ZC3H4: variants seen among roughly 807,000 people sequenced by gnomAD.
The protein encoded by ZC3H4 is zinc finger CCCH domain-containing protein 4.
In ZC3H4, 13 loss-of-function variants were observed where a neutral mutation model predicts 108.3. The observed-to-expected ratio is 0.12, with a 90% CI of 0.08 to 0.19. ZC3H4 has a LOEUF of 0.19. ZC3H4 is among the 10% of genes least tolerant of loss of function. The pLI, the probability that ZC3H4 is intolerant of heterozygous loss-of-function variation, is 1.00. For synonymous variants in ZC3H4, 917 were observed against 749.6 expected, an observed-to-expected ratio of 1.22 and a Z score of -3.65; for missense variants, 1,734 against 1,838.8, an observed-to-expected ratio of 0.94 and a Z score of 1.04.
rs1206444100 is a variant in ZC3H4 at position 47,085,134 on chromosome 19, T to TCGGCCC, written c.1023_1028dup (p.Arg345_Gly346dup). 7 of 1,614,200 alleles carry TCGGCCC rather than the reference T, an allele frequency of 4.3e-6. No individual in the cohort carries two copies. Among genetic ancestry groups the TCGGCCC allele is most frequent in the Admixed American group, 1.7e-5 (1 of 60,028 alleles). ...TCCCTCCTCGGCTGCCACCTCGGCC[T>TCGGCCC]CGGCCCCGACCCATTCCTTTCCCTC... On this transcript the variant is annotated inframe_insertion, in exon 8 of 15. Transcript: ENST00000253048.
rs1355390980 is a variant in ZC3H4, at chr19:47,112,531, C to CGGCGGCGGCGACTCTGAT, written c.36_53dup (p.Ser13_Pro18dup). 8.7e-5 allele frequency: 91 copies of CGGCGGCGGCGACTCTGAT among 1,047,908 alleles called. No homozygotes were observed. Among genetic ancestry groups the CGGCGGCGGCGACTCTGAT allele is most frequent in the Middle Eastern group, 6.9e-4 (2 of 2,918 alleles). 64.9% of individuals were successfully genotyped at this position (1,047,908 alleles called of 1,614,324 possible). ...GCGTTGATGGCGGCGGCGGCGATGGCGGCGGCGGCGACTCTGATGGCGGCG... is the reference window on the plus strand; with the variant it reads ...GCGTTGATGGCGGCGGCGGCGATGGCGGCGGCGGCGACTCTGATGGCGGCGGCGACTCTGATGGCGGCG... On this transcript the variant is annotated inframe_insertion, in exon 2 of 15. Coordinates refer to ENST00000253048, the MANE Select transcript of ZC3H4 (RefSeq NM_015168.2).
Position 47,085,397 on chromosome 19 carries a change from C to A in ZC3H4, c.888G>T (p.Glu296Asp). 1 of 1,595,568 alleles carries A rather than the reference C, an allele frequency of 6.3e-7. No individual in the cohort carries two copies. Among genetic ancestry groups the A allele is most frequent in the Non-Finnish European group, 8.5e-7 (1 of 1,171,514 alleles). ...CGTCATAGTCGTCGTCTCCCATTGG[C>A]TCCTCACTCTCTCCATACTGGAATG... ...EEEMDYGESE[E>D]PMGDDDYDEY... Residue 296 changes from glutamate to aspartate, a missense_variant, in exon 7 of 15, where the codon GAG becomes GAT. Coordinates refer to ENST00000253048, the MANE Select transcript of ZC3H4 (RefSeq NM_015168.2).
chr19:47,071,994 T>C lies in ZC3H4; in HGVS notation c.1930A>G (p.Met644Val). The C allele has an allele frequency of 6.2e-7, 1 of 1,603,306 alleles. No individual in the cohort carries two copies. Among genetic ancestry groups the C allele is most frequent in the Non-Finnish European group, 8.5e-7 (1 of 1,174,708 alleles). Residue 644 changes from methionine to valine, a missense_variant, in exon 13 of 15, where the codon ATG becomes GTG. Physicochemically the swap from Met to Val is conservative, Grantham distance 21. Around this residue, in one of 9 missense-constraint regions of ZC3H4, gnomAD observed 540 missense variants for 484.1 expected, o/e 1.12. Coordinates refer to ENST00000253048, the MANE Select transcript of ZC3H4 (RefSeq NM_015168.2). ...PDMHPDMHPD[M>V]HADMHADMPM... is the part of the protein sequence containing the mutation. ...ATGTCTGCGTGCATGTCTGCGTGCA[T>C]GTCAGGGTGCATGTCCGGGTGCATG...
rs755009721 is a variant in ZC3H4 at position 47,085,061 on chromosome 19, T to C, written c.1102A>G (p.Met368Val). The change falls in exon 8 of 15, where the codon ATG becomes GTG. Residue 368 changes from methionine to valine, a missense_variant. Around this residue, in one of 9 missense-constraint regions of ZC3H4, gnomAD observed 403 missense variants for 457.0 expected, o/e 0.88. Transcript: ENST00000253048. ...NDDEDFYDED[M>V]GDGGGGSYRS... Reference sequence around the variant, plus strand: ...TCAGAGTGGAGTCAACTCACGCCCATGTCCTCGTCATAGAAGTCTTCGTCA... The same window carrying C: ...TCAGAGTGGAGTCAACTCACGCCCACGTCCTCGTCATAGAAGTCTTCGTCA... 6.8e-6 allele frequency: 11 copies of C among 1,614,090 alleles called. No homozygotes were observed. The highest frequency in any genetic ancestry group is 1.6e-4 in the Middle Eastern group (1 of 6,084).
At chr19:47,086,662 C>T in intron 5 of ZC3H4, 124 bp from the exon 6 acceptor site, 2 of 1,426,242 alleles carry the variant, frequency 1.4e-6, no homozygotes, top group Non-Finnish European at 1.8e-6. Context: ...TCTCCTCCTC[C>T]TCCTCCTCCA....
At chr19:47,102,999 T>C (rs1209487665) in intron 2 of ZC3H4, among the ~76,000 whole-genome samples, 1 of 152,196 alleles carries the variant, frequency 6.6e-6, no homozygotes, top group African/African-American at 2.4e-5. Context: ...AGGAAGCTTG[T>C]GGAGACAAAG....
chr19:47,112,976 G>A (rs1292482488), intron 1 of ZC3H4, among the ~76,000 whole-genome samples: 1 of 152,186 alleles, frequency 6.6e-6, no homozygotes, highest in African/African-American at 2.4e-5. Context: ...CGAGCGAGGG[G>A]GGTGGGGGGT....
Position 47,072,013 on chromosome 19 carries a change from G to A in ZC3H4, c.1911C>T (p.His637=). ...CGTGCATGTCAGGGTGCATGTCCGG[G>A]TGCATGTCGGGGTGCATGTCAGGAT... ...PMHPDMHPDM[H]PDMHPDMHAD... is the part of the protein sequence containing the mutation. Residue 637 remains histidine (H), a synonymous_variant, in exon 13 of 15, where the codon CAC becomes CAT. Transcript: ENST00000253048. The surrounding 1 kb of genome is among the most constrained non-coding windows in gnomAD (Gnocchi z 5.6). 1 of 1,592,490 alleles carries A rather than the reference G, an allele frequency of 6.3e-7. No homozygotes were observed. Among genetic ancestry groups the A allele is most frequent in the South Asian group, 1.1e-5 (1 of 88,602 alleles).
intron 2 of ZC3H4, among the ~76,000 whole-genome samples, chr19:47,110,058 T>C (rs1421124124): frequency 6.6e-6 from 1 of 152,144 alleles, no homozygotes; most frequent in African/African-American, 2.4e-5. Context: ...AAAGGAGCAG[T>C]GGAGACAGGC....
chr19:47,081,115 G>T (rs980708733), intron 11 of ZC3H4, among the ~76,000 whole-genome samples: 1 of 152,188 alleles, frequency 6.6e-6, no homozygotes, highest in East Asian at 1.9e-4. Flanking sequence ...GCCTAGGCTG[G>T]TCTTGAACTC....
chr19:47,090,866 A>G (rs1258412745), intron 4 of ZC3H4, among the ~76,000 whole-genome samples: 1 of 152,208 alleles, frequency 6.6e-6, no homozygotes, highest in Non-Finnish European at 1.5e-5. Flanking sequence ...ACAATGCAAG[A>G]CATTGGTAAT....
At chr19:47,087,456 C>T (rs1171263180) in intron 5 of ZC3H4, among the ~76,000 whole-genome samples, 4 of 151,770 alleles carry the variant, frequency 2.6e-5, no homozygotes, top group Non-Finnish European at 4.4e-5. Context: ...AAAGAGTGGC[C>T]AGGTGCAGTG....
chr19:47,091,192 A>C (rs1490709126), intron 4 of ZC3H4, among the ~76,000 whole-genome samples: 2 of 152,186 alleles, frequency 1.3e-5, no homozygotes, highest in Non-Finnish European at 2.9e-5. Flanking sequence ...GAATTGCTTG[A>C]ACCCGCGAGG....
At chr19:47,097,507 C>G (rs893041160) in intron 2 of ZC3H4, among the ~76,000 whole-genome samples, 3 of 152,224 alleles carry the variant, frequency 2.0e-5, no homozygotes, top group African/African-American at 7.2e-5. Flanking sequence ...AGCTAAACGT[C>G]CTGCGTGAAC....
intron 9 of ZC3H4, 23 bp from the exon 10 acceptor site, chr19:47,082,318 A>G (rs1351032253): frequency 8.3e-6 from 13 of 1,568,546 alleles, no homozygotes; most frequent in Admixed American, 1.7e-5. Flanking sequence ...CAACAAAAAC[A>G]TAAGGTGGTG....
intron 10 of ZC3H4, 44 bp downstream of exon 10, chr19:47,082,140 G>T: frequency 6.7e-7 from 1 of 1,498,112 alleles, no homozygotes; most frequent in Non-Finnish European, 9.3e-7. Context: ...GAGCAGAGAA[G>T]TTCTGCGCCC....
At chr19:47,098,778 A>C (rs2057862331) in intron 2 of ZC3H4, among the ~76,000 whole-genome samples, 1 of 152,200 alleles carries the variant, frequency 6.6e-6, no homozygotes, top group East Asian at 1.9e-4. Context: ...AAAACAAAAC[A>C]AAACAAAAGA....
At chr19:47,110,216 T>TG (rs933400571) in intron 2 of ZC3H4, among the ~76,000 whole-genome samples, 6 of 149,440 alleles carry the variant, frequency 4.0e-5, no homozygotes, top group Non-Finnish European at 7.4e-5. Context: ...TTTTGGGGAG[T>TG]GGGGGGGAGG....
chr19:47,096,937 G>A (rs1018142928), intron 2 of ZC3H4: 16 of 985,228 alleles, frequency 1.6e-5, no homozygotes, highest in Non-Finnish European at 1.8e-5. Flanking sequence ...CACAGCAGGC[G>A]ACAGTCTTGC....
Sources: allele counts gnomAD v4.1 joint callset (sites outside exome capture counted in the v4.1 genomes callset), GRCh38; gene constraint gnomAD v4.1.1; regional missense constraint gnomAD v4.1.1; non-coding constraint Gnocchi (gnomAD v3.1); transcripts MANE v1.5; gene names NCBI Gene and HGNC (gene_info 2026-07-23, HGNC 2026-07-21).